The following ROBO1 variants were observed in gnomAD, a reference collection of about 807,000 sequenced individuals.
The protein encoded by ROBO1 is roundabout guidance receptor 1, also known as roundabout homolog 1.
Under a neutral mutation model 195.9 loss-of-function variants are expected in ROBO1, and 149 were observed. The observed-to-expected ratio is 0.76, with a 90% CI of 0.67 to 0.87. The LOEUF is 0.87. Among genes scored for constraint, ROBO1 ranks in the 40% least tolerant of loss-of-function variants. The pLI, the probability that ROBO1 is intolerant of heterozygous loss-of-function variation, is 0.00. For missense variants in ROBO1, 1,933 were observed against 2,068.3 expected (o/e 0.93, Z 1.27); for synonymous variants, 816 against 733.2 (o/e 1.11, Z -1.82).
chr3:78,634,358 C>A (rs1575812324), intron 23 of ROBO1: 2 of 177,898 alleles, frequency 1.1e-5, no homozygotes, highest in Non-Finnish European at 2.4e-5. Flanking sequence ...AAGGTTATAT[C>A]TAATAAAAAA....
chr3:79,267,847 T>C lies in ROBO1; in HGVS notation c.89-142308A>G, dbSNP rs542293185. ...ATTTTGAATATAATTTTCAATTTCA[T>C]CTAACTTTGTATGTTTCTTATTGGG... On this transcript the variant is annotated intron_variant, in intron 2 of 30. Transcript: ENST00000464233. Among the ~76,000 whole-genome samples the C allele has an allele frequency of 1.6e-4, 25 of 151,692 alleles. No individual in the cohort carries two copies. The East Asian group carries it at 3.3e-3, about 20-fold the overall frequency.
chr3:79,460,500 G>C (rs959506915), intron 2 of ROBO1, among the ~76,000 whole-genome samples: 3 of 152,138 alleles, frequency 2.0e-5, no homozygotes, highest in African/African-American at 7.2e-5. Context: ...GAATAAACCA[G>C]ATGCCTTTCT....
intron 2 of ROBO1, among the ~76,000 whole-genome samples, chr3:79,189,932 T>G (rs1373945282): frequency 6.6e-6 from 1 of 151,650 alleles, no homozygotes; most frequent in Non-Finnish European, 1.5e-5. Flanking sequence ...ACAGTAGCCC[T>G]TTACAATTTA....
intron 1 of ROBO1, among the ~76,000 whole-genome samples, chr3:79,602,787 A>G (rs907698620): frequency 2.0e-5 from 3 of 152,162 alleles, no homozygotes; most frequent in East Asian, 3.9e-4. Flanking sequence ...AACTCATCAG[A>G]GAAAATCTAC....
chr3:78,972,052 C>T (rs749481218), intron 3 of ROBO1, among the ~76,000 whole-genome samples: 7 of 152,176 alleles, frequency 4.6e-5, no homozygotes, highest in African/African-American at 1.2e-4. Context: ...AGGCGTGAGC[C>T]GCCGCGCCCG....
chr3:79,698,234 T>A (rs9812154), intron 1 of ROBO1, among the ~76,000 whole-genome samples: 45,402 of 151,312 alleles, frequency 0.3, 8,131 homozygotes, highest in African/African-American at 0.51. Flanking sequence ...AGTACAACTA[T>A]AACTATTAGT....
intron 1 of ROBO1, among the ~76,000 whole-genome samples, chr3:79,744,207 G>T (rs1185011768): frequency 6.6e-6 from 1 of 151,974 alleles, no homozygotes; most frequent in Non-Finnish European, 1.5e-5. Flanking sequence ...TTATTTTTTA[G>T]CTTCATTATA....
At chr3:79,354,771 A>G (rs969594415) in intron 2 of ROBO1, among the ~76,000 whole-genome samples, 2 of 152,168 alleles carry the variant, frequency 1.3e-5, no homozygotes, top group African/African-American at 4.8e-5. Context: ...ACTAAATTTA[A>G]TCATGTTCCT....
intron 2 of ROBO1, among the ~76,000 whole-genome samples, chr3:79,278,365 T>C (rs1409834716): frequency 1.3e-5 from 2 of 149,000 alleles, no homozygotes; most frequent in African/African-American, 5.1e-5. Context: ...AAAGCAACCC[T>C]GAGCAAAAAC....
intron 4 of ROBO1, among the ~76,000 whole-genome samples, chr3:78,800,825 A>G (rs948768396): frequency 6.6e-6 from 1 of 152,058 alleles, no homozygotes; most frequent in Non-Finnish European, 1.5e-5. Flanking sequence ...CTGCCTCCCA[A>G]AGTGCTGGGA....
intron 4 of ROBO1, among the ~76,000 whole-genome samples, chr3:78,818,035 TG>T (rs1559887517): frequency 6.6e-6 from 1 of 152,184 alleles, no homozygotes; most frequent in Non-Finnish European, 1.5e-5. Context: ...CAAAACCACT[TG>T]AACAGCTACC....
chr3:79,014,047 C>T (rs1171633821), intron 3 of ROBO1, among the ~76,000 whole-genome samples: 2 of 152,112 alleles, frequency 1.3e-5, no homozygotes, highest in Admixed American at 6.6e-5. Flanking sequence ...AAAAACTGTT[C>T]AATTGATTCA....
At chr3:79,322,735 T>C (rs2034038444) in intron 2 of ROBO1, among the ~76,000 whole-genome samples, 1 of 152,208 alleles carries the variant, frequency 6.6e-6, no homozygotes. Context: ...TCTATTCACA[T>C]CCTTTCAGAC....
At chr3:79,557,682 G>T (rs1481041210) in intron 2 of ROBO1, among the ~76,000 whole-genome samples, 1 of 135,150 alleles carries the variant, frequency 7.4e-6, no homozygotes, top group African/African-American at 3.0e-5. Flanking sequence ...TCGGTGACCC[G>T]AGATCGCGCC....
chr3:78,606,685 G>A (rs1424551478), intron 29 of ROBO1, 48 bp downstream of exon 29: 3 of 1,575,342 alleles, frequency 1.9e-6, no homozygotes, highest in Middle Eastern at 3.5e-4. Flanking sequence ...TGTATGCCTT[G>A]CAAACACACT....
At chr3:78,703,651 C>A (rs922912064) in intron 8 of ROBO1, among the ~76,000 whole-genome samples, 2 of 151,996 alleles carry the variant, frequency 1.3e-5, no homozygotes, top group African/African-American at 2.4e-5. Flanking sequence ...ACCTCCACAA[C>A]AAATCCCTTA....
intron 1 of ROBO1, among the ~76,000 whole-genome samples, chr3:79,686,323 C>A (rs955512026): frequency 3.9e-5 from 6 of 152,094 alleles, no homozygotes; most frequent in Admixed American, 6.6e-5. Flanking sequence ...GACAGGGATG[C>A]CCTCTCTCAC....
chr3:78,797,726 A>G (rs2084228510), intron 4 of ROBO1, among the ~76,000 whole-genome samples: 2 of 152,208 alleles, frequency 1.3e-5, no homozygotes, highest in Admixed American at 6.5e-5. Context: ...ATTCTACACC[A>G]AAATGGAACA....
At chr3:78,784,978 G>T (rs539274805) in intron 4 of ROBO1, among the ~76,000 whole-genome samples, 3 of 152,220 alleles carry the variant, frequency 2.0e-5, no homozygotes, top group Middle Eastern at 3.4e-3. Context: ...AGCTGCACAG[G>T]TTATTCACTG....
Sources: allele counts gnomAD v4.1 joint callset (sites outside exome capture counted in the v4.1 genomes callset), GRCh38; gene constraint gnomAD v4.1.1; transcripts MANE v1.5; gene names NCBI Gene and HGNC (gene_info 2026-07-23, HGNC 2026-07-21).